The following GIT2 variants were observed in gnomAD, a reference collection of about 807,000 sequenced individuals.
The protein encoded by GIT2 is ARF GTPase-activating protein GIT2.
GIT2 carries 32 observed loss-of-function variants against 100.3 expected under a neutral mutation model. That is an observed-to-expected ratio of 0.32 (90% confidence interval 0.24 to 0.43). The LOEUF is 0.43. Among genes scored for constraint, GIT2 ranks in the 20% least tolerant of loss-of-function variants. GIT2 has a pLI of 1.00. For synonymous variants in GIT2, 353 were observed against 364.1 expected (o/e 0.97, Z 0.35); for missense variants, 737 against 975.1 (o/e 0.76, Z 3.25).
intron 7 of GIT2, among the ~76,000 whole-genome samples, chr12:109,980,409 T>G (rs1593120298): frequency 6.6e-6 from 1 of 152,066 alleles, no homozygotes; most frequent in East Asian, 1.9e-4. Context: ...ATTTATTTAT[T>G]TTGAGACAGA....
In GIT2 at chr12:109,933,736, G is replaced by C; in HGVS notation, c.2067+286C>G. 3.2e-6 allele frequency: 1 copy of C among 312,768 alleles called. No individual in the cohort carries two copies. The highest frequency in any genetic ancestry group is 3.7e-5 in the South Asian group (1 of 26,706). The allele number at this position is 312,768 out of a possible 1,614,324, so 19.4% of individuals were successfully genotyped here. On this transcript the variant is annotated intron_variant, in intron 19 of 19. Transcript: ENST00000355312. This position sits in a 1 kb window ranked among gnomAD's most constrained non-coding sequence, Gnocchi z 4.5. Reference sequence around the variant, plus strand: ...CCTGCTTCAGCCTCCTGAGTAGCTGGGATTACAGGCATGCACCACCACGCC... The same window carrying C: ...CCTGCTTCAGCCTCCTGAGTAGCTGCGATTACAGGCATGCACCACCACGCC...
intron 18 of GIT2, among the ~76,000 whole-genome samples, chr12:109,936,698 T>C (rs1592942054): frequency 1.3e-5 from 2 of 152,156 alleles, no homozygotes; most frequent in Admixed American, 6.5e-5. Context: ...TGAAACTCTG[T>C]CTCTACTAAA....
intron 2 of GIT2, among the ~76,000 whole-genome samples, chr12:109,991,404 A>G (rs1365271543): frequency 1.3e-5 from 2 of 152,170 alleles, no homozygotes; most frequent in African/African-American, 4.8e-5. Flanking sequence ...ATCTACCTAT[A>G]ATTGAGCTTG....
chr12:109,963,387 T>A (rs536559895), intron 9 of GIT2, among the ~76,000 whole-genome samples: 18 of 152,358 alleles, frequency 1.2e-4, no homozygotes, highest in African/African-American at 3.8e-4. Context: ...AATGTTATTA[T>A]TACTAGCAAC....
intron 13 of GIT2, 30 bp downstream of exon 13, chr12:109,953,062 T>C: frequency 6.2e-7 from 1 of 1,612,092 alleles, no homozygotes; most frequent in Non-Finnish European, 8.5e-7. Flanking sequence ...GATGCGTGCT[T>C]GCCCTTCCAT....
At chr12:109,949,688 G>A (rs1592990879) in intron 14 of GIT2, among the ~76,000 whole-genome samples, 1 of 152,182 alleles carries the variant, frequency 6.6e-6, no homozygotes. Flanking sequence ...ATTTCTCAAA[G>A]AAGCTCAAGA....
chr12:109,989,008 C>A lies in GIT2; in HGVS notation c.360G>T (p.Leu120Phe), dbSNP rs1453563182. The A allele has an allele frequency of 3.1e-6, 5 of 1,612,908 alleles. No individual in the cohort carries two copies. In the Admixed American group the frequency reaches 6.7e-5, roughly 22 times the overall value. Residue 120 changes from leucine (L) to phenylalanine (F), a missense_variant, in exon 4 of 20, where the codon TTG (leucine) becomes TTT (phenylalanine). Physicochemically the swap from Leu to Phe is conservative, Grantham distance 22. Coordinates refer to ENST00000355312, the MANE Select transcript of GIT2 (RefSeq NM_057169.5). ...TCACACTATCGTCATCCCGGCAGGG[C>A]AAGCGATGGACGAACGCTAACATCT... ...KYQMLAFVHR[L>F]PCRDDDSVTA...
chr12:109,953,216 AG>A lies in GIT2; in HGVS notation c.1117del (p.Leu373Ter). The A allele has an allele frequency of 6.2e-7, 1 of 1,614,026 alleles. No homozygotes were observed. The highest frequency in any genetic ancestry group is 8.5e-7 in the Non-Finnish European group (1 of 1,179,856). ...GCTGTGCTGGTTATTGATGGTTTTC[AG>A]TATGAGCTCCACATTGTCTATCAAT... ...SGSKDNVELI[L>X]KTINNQHSVE... On this transcript the variant is annotated frameshift_variant, in exon 13 of 20. Transcript: ENST00000355312. LOFTEE classifies it high-confidence loss of function.
intron 14 of GIT2, 189 bp downstream of exon 14, chr12:109,950,978 T>C (rs1215480224): frequency 3.2e-6 from 2 of 633,026 alleles, no homozygotes; most frequent in Non-Finnish European, 5.6e-6. Flanking sequence ...CCTGGGGAAC[T>C]TACTCTGGAT....
rs771616694 is a variant in GIT2, at chr12:109,996,228, T to G, written c.-4A>C. On this transcript the variant is annotated 5_prime_UTR_variant, in exon 1 of 20. Transcript: ENST00000355312. ...TGCTCCGGAGCCGTTTCGACATGGC[T>G]CCCACCTCCCACCTGCGGGGAACTA... 6.4e-5 allele frequency: 97 copies of G among 1,527,178 alleles called. No homozygotes were observed. Among genetic ancestry groups the G allele is most frequent in the Middle Eastern group, 1.7e-4 (1 of 5,924 alleles). 94.6% of individuals were successfully genotyped at this position (1,527,178 alleles called of 1,614,324 possible).
At chr12:109,983,891 T>G (rs1886831439) in intron 4 of GIT2, 197 bp from the exon 5 acceptor site, 1 of 532,634 alleles carries the variant, frequency 1.9e-6, no homozygotes, top group African/African-American at 1.9e-5. Flanking sequence ...GAGGCCACTT[T>G]ACTGATAAGG....
At chr12:109,945,421 A>G in intron 15 of GIT2, 72 bp from the exon 16 acceptor site, 1 of 767,428 alleles carries the variant, frequency 1.3e-6, no homozygotes, top group Non-Finnish European at 2.3e-6. Context: ...TGCCAGCTTC[A>G]GTAAAAGAAT....
At chr12:109,936,688 T>C (rs1873102885) in intron 18 of GIT2, among the ~76,000 whole-genome samples, 1 of 152,060 alleles carries the variant, frequency 6.6e-6, no homozygotes. Flanking sequence ...GCCAACATGG[T>C]GAAACTCTGT....
At chr12:109,975,378 A>G (rs1343035339) in intron 7 of GIT2, among the ~76,000 whole-genome samples, 2 of 151,868 alleles carry the variant, frequency 1.3e-5, no homozygotes, top group East Asian at 1.9e-4. Flanking sequence ...GCTGCTTTCT[A>G]TAAAATTTTT....
At chr12:109,950,029 G>A (rs1877402513) in intron 14 of GIT2, among the ~76,000 whole-genome samples, 1 of 152,216 alleles carries the variant, frequency 6.6e-6, no homozygotes, top group African/African-American at 2.4e-5. Context: ...TTTAAGGCTA[G>A]CTGATCTTAA....
At chr12:109,989,871 G>T in intron 2 of GIT2, 69 bp from the exon 3 acceptor site, 1 of 815,054 alleles carries the variant, frequency 1.2e-6, no homozygotes. Flanking sequence ...ATCAGTGACT[G>T]AACAGAGTAA....
At chr12:109,957,776 A>G (rs1879906340) in intron 12 of GIT2, among the ~76,000 whole-genome samples, 1 of 151,728 alleles carries the variant, frequency 6.6e-6, no homozygotes, top group South Asian at 2.1e-4. Context: ...AAAGTGCAGC[A>G]TGTACTATTT....
In GIT2 at chr12:109,934,442, A is replaced by G. The variant is rs1872422592; in HGVS notation, c.2004-357T>C. On this transcript the variant is annotated intron_variant, in intron 18 of 19. Transcript: ENST00000355312. The surrounding 1 kb of genome is among the most constrained non-coding windows in gnomAD (Gnocchi z 4.5). ...AGAAAGAGAAAGGATTTCCATGCAA[A>G]AGGCCACAGAAGTGAAAAATAAAGG... is the stretch of plus-strand genomic sequence containing the variant. 6.6e-6 allele frequency among the ~76,000 whole-genome samples: 1 copy of G among 152,244 alleles called. No individual in the cohort carries two copies. The highest frequency in any genetic ancestry group is 6.5e-5 in the Admixed American group (1 of 15,286).
intron 11 of GIT2, among the ~76,000 whole-genome samples, chr12:109,960,345 C>T (rs1202622676): frequency 1.3e-5 from 2 of 152,032 alleles, no homozygotes; most frequent in Non-Finnish European, 2.9e-5. Context: ...AAGTTTAGGC[C>T]GGGTGCAGTG....
Sources: gnomAD v4.1 joint callset for allele counts (sites outside exome capture counted in the v4.1 genomes callset) on GRCh38, gnomAD v4.1.1 for gene constraint, Gnocchi (gnomAD v3.1) non-coding constraint, MANE v1.5 for transcripts, NCBI Gene and HGNC (gene_info 2026-07-23, HGNC 2026-07-21) for gene names.